Variants in MUC17 observed in about 807,000 individuals in gnomAD.
The protein encoded by MUC17 is mucin 17, cell surface associated.
Under a neutral mutation model 170.3 loss-of-function variants are expected in MUC17, and 190 were observed. The ratio of observed to expected loss-of-function variants is 1.12; its 90% CI spans 0.99 to 1.26. The LOEUF is 1.26. MUC17 is among the 50% of genes most tolerant of loss of function. The pLI is 0.00. For missense variants in MUC17, 6,415 were observed against 5,530.0 expected, an observed-to-expected ratio of 1.16 and a Z score of -5.08; for synonymous variants, 2,325 against 2,002.5, an observed-to-expected ratio of 1.16 and a Z score of -4.30.
At chr7:101,052,518 G>A (rs527315398) in intron 9 of MUC17, among the ~76,000 whole-genome samples, 25 of 152,320 alleles carry the variant, frequency 1.6e-4, no homozygotes, top group Admixed American at 1.4e-3. Flanking sequence ...AAGCTGGAAA[G>A]GGGAAGAAAG....
chr7:101,041,754 C>T lies in MUC17; in HGVS notation c.10338C>T (p.Thr3446=), dbSNP rs145453822. The change falls in exon 3 of 13, where the codon ACC becomes ACT. Residue 3446 remains threonine (T), a synonymous_variant. Transcript: ENST00000306151. The part of the protein sequence containing the change: ...ASSSPTIAEG[T]SLPTSTTSEG... ...CATCTCCTACAATCGCTGAAGGTAC[C>T]AGCTTGCCAACCTCAACTACTAGTG... 497 of 1,613,516 alleles carry T rather than the reference C, an allele frequency of 3.1e-4. 4 individuals are homozygous for T. In the African/African-American group the frequency reaches 4.9e-3, roughly 16 times the overall value.
Position 101,043,409 on chromosome 7 carries a change from C to T in MUC17, c.11993C>T (p.Thr3998Ile), listed in dbSNP as rs959881052. The T allele has an allele frequency of 1.9e-6, 3 of 1,614,072 alleles. No individual in the cohort carries two copies. Among genetic ancestry groups the T allele is most frequent in the Admixed American group, 1.7e-5 (1 of 60,004 alleles). ...GAATTTACAACACCCGCAATGACTA[C>T]TGCAGCTCCCCTCACATATGTGACC... The part of the protein sequence containing the change: ...TKEFTTPAMT[T>I]AAPLTYVTMS... Residue 3998 changes from threonine (T) to isoleucine (I), a missense_variant, in exon 3 of 13, where the codon ACT (threonine) becomes ATT (isoleucine). Transcript: ENST00000306151.
At chr7:101,051,735 G>C in intron 8 of MUC17, 54 bp downstream of exon 8, 1 of 1,606,458 alleles carries the variant, frequency 6.2e-7, no homozygotes, top group Non-Finnish European at 8.5e-7. Flanking sequence ...GGGAGCCCAG[G>C]AGGAGTGGGA....
chr7:101,057,875 G>C (rs1018940372), intron 12 of MUC17, 128 bp from the exon 13 acceptor site: 2 of 756,948 alleles, frequency 2.6e-6, no homozygotes, highest in South Asian at 2.2e-5. Flanking sequence ...GTAAGACCCT[G>C]TCTCAAAAAA....
At chr7:101,050,760 C>T in intron 7 of MUC17, 125 bp downstream of exon 7, 1 of 1,368,032 alleles carries the variant, frequency 7.3e-7, no homozygotes, top group Non-Finnish European at 9.7e-7. Context: ...CTGTGGGGTC[C>T]TAGAGTCCCT....
In MUC17 at chr7:101,041,729, C is replaced by G; in HGVS notation, c.10313C>G (p.Ser3438Ter). 6.2e-7 allele frequency: 1 copy of G among 1,613,700 alleles called. No homozygotes were observed. The highest frequency in any genetic ancestry group is 8.5e-7 in the Non-Finnish European group (1 of 1,179,942). The change falls in exon 3 of 13, where the codon TCA becomes TGA. Residue 3438 changes from serine to a stop codon, truncating the protein, a stop_gained. Transcript: ENST00000306151. LOFTEE classifies it high-confidence loss of function. ...TLVTTSTEAS[S>*]SPTIAEGTSL... ...GTGACCACTTCTACTGAAGCCAGTTCATCTCCTACAATCGCTGAAGGTACC... is the reference window on the plus strand; with the variant it reads ...GTGACCACTTCTACTGAAGCCAGTTGATCTCCTACAATCGCTGAAGGTACC...
Position 101,043,307 on chromosome 7 carries a change from C to T in MUC17, c.11891C>T (p.Pro3964Leu), listed in dbSNP as rs1562819641. 2 of 1,614,196 alleles carry T rather than the reference C, an allele frequency of 1.2e-6. No homozygotes were observed. The highest frequency in any genetic ancestry group is 8.5e-7 in the Non-Finnish European group (1 of 1,180,044). Residue 3964 changes from proline (P) to leucine (L), a missense_variant, in exon 3 of 13, where the codon CCT becomes CTT. Transcript: ENST00000306151. ...FPATTGAVST[P>L]VITSTELNTP... Reference sequence around the variant, plus strand: ...GCAACAACTGGTGCTGTATCTACCCCTGTGATAACTTCCACTGAACTAAAC... The same window carrying T: ...GCAACAACTGGTGCTGTATCTACCCTTGTGATAACTTCCACTGAACTAAAC...
In MUC17 at chr7:101,040,124, C is replaced by T. The variant is rs773623597; in HGVS notation, c.8708C>T (p.Ser2903Phe). ...PVDTSIPVTT[S>F]TEGSSSPTTA... ...GATACCAGCATACCTGTCACCACTT[C>T]TACTGAAGGCAGTTCTTCTCCTACA... The change falls in exon 3 of 13, where the codon TCT becomes TTT. Residue 2903 changes from serine to phenylalanine, a missense_variant. By Grantham distance (155) the Ser-to-Phe change is radical. Transcript: ENST00000306151. 3 of 1,612,828 alleles carry T rather than the reference C, an allele frequency of 1.9e-6. No individual in the cohort carries two copies. The highest frequency in any genetic ancestry group is 2.5e-6 in the Non-Finnish European group (3 of 1,179,474).
chr7:101,031,101 T>TC lies in MUC17; in HGVS notation c.83-15dup. On this transcript the variant is annotated intron_variant, in intron 1 of 12. Transcript: ENST00000306151. The stretch of plus-strand genomic sequence containing the variant: ...AAGATCATGGCTCTGGGATACTAAC[T>TC]CCCCTTTGTCTCTTTCAGACCTCAG... The TC allele has an allele frequency of 1.3e-6, 2 of 1,598,380 alleles. No homozygotes were observed. The highest frequency in any genetic ancestry group is 2.7e-5 in the African/African-American group (2 of 74,486).
rs1256616795 is a variant in MUC17, at chr7:101,037,010, G to T, written c.5594G>T (p.Gly1865Val). 1.3e-6 allele frequency: 2 copies of T among 1,583,996 alleles called. No homozygotes were observed. Among genetic ancestry groups the T allele is most frequent in the Non-Finnish European group, 1.7e-6 (2 of 1,179,068 alleles). Residue 1865 changes from glycine (G) to valine (V), a missense_variant, in exon 3 of 13, where the codon GGA (glycine) becomes GTA (valine). By Grantham distance (109) the Gly-to-Val change is moderately radical. Coordinates refer to ENST00000306151, the MANE Select transcript of MUC17 (RefSeq NM_001040105.2). Reference sequence around the variant, plus strand: ...ATAGCAACCTCAACGCCTAGTGAAGGAAGCACTGCATTAACAAGTATACCT... The same window carrying T: ...ATAGCAACCTCAACGCCTAGTGAAGTAAGCACTGCATTAACAAGTATACCT... Reference protein sequence around the residue: ...TSIATSTPSEGSTALTSIPVS... With the variant: ...TSIATSTPSEVSTALTSIPVS...
In MUC17 at chr7:101,042,589, G is replaced by C; in HGVS notation, c.11173G>C (p.Val3725Leu). Residue 3725 changes from valine (V) to leucine (L), a missense_variant, in exon 3 of 13, where the codon GTG (valine) becomes CTG (leucine). Coordinates refer to ENST00000306151, the MANE Select transcript of MUC17 (RefSeq NM_001040105.2). ...ACCTTCTGTTGTCACCAGCACACCT[G>C]TGACCACTTCTACTGAAGCCATTTC... ...STPSVVTSTP[V>L]TTSTEAISSS... The C allele has an allele frequency of 6.2e-7, 1 of 1,614,052 alleles. No homozygotes were observed. Among genetic ancestry groups the C allele is most frequent in the African/African-American group, 1.3e-5 (1 of 75,018 alleles).
Position 101,053,033 on chromosome 7 carries a change from A to G in MUC17, c.13151A>G (p.Gln4384Arg), listed in dbSNP as rs371472570. The change falls in exon 10 of 13, where the codon CAG (glutamine) becomes CGG (arginine). Residue 4384 changes from glutamine (Q) to arginine (R), a missense_variant. Physicochemically the swap from Gln to Arg is conservative, Grantham distance 43. Coordinates refer to ENST00000306151, the MANE Select transcript of MUC17 (RefSeq NM_001040105.2). ...TGGTACAGTGGGGAGACCTGTAACC[A>G]GGGCACCCAGAAGAGTCTGGTGTAC... ...THWYSGETCN[Q>R]GTQKSLVYGL... 71 of 1,614,026 alleles carry G rather than the reference A, an allele frequency of 4.4e-5. No individual in the cohort carries two copies. Among genetic ancestry groups the G allele is most frequent in the Admixed American group, 1.0e-4 (6 of 59,998 alleles).
At position 101,023,643 on chromosome 7, in the gene MUC17, T is replaced by G. The variant is rs184259651; in HGVS notation, c.82+3426T>G. 6.6e-4 allele frequency among the ~76,000 whole-genome samples: 100 copies of G among 152,318 alleles called. No individual in the cohort carries two copies. The South Asian group carries it at 8.5e-3, about 13-fold the overall frequency. ...CTGGTCTCGAACTCCTGACCTCAAC[T>G]GATTTGTCCACCTCAGCCTCCCAAA... On this transcript the variant is annotated intron_variant, in intron 1 of 12. Transcript: ENST00000306151.
In MUC17 at chr7:101,035,835, C is replaced by T. The variant is rs1033050600; in HGVS notation, c.4419C>T (p.Ser1473=). 2 of 1,599,864 alleles carry T rather than the reference C, an allele frequency of 1.3e-6. No homozygotes were observed. The highest frequency in any genetic ancestry group is 2.7e-5 in the African/African-American group (2 of 74,620). Residue 1473 remains serine (S), a synonymous_variant, in exon 3 of 13, where the codon AGC becomes AGT. Transcript: ENST00000306151. ...SNTPVANSEA[S]TLSTTPVDSN... ...CGCCGGTGGCCAATTCTGAGGCTAG[C>T]ACCCTTTCAACAACTCCTGTTGACT...
Position 101,039,515 on chromosome 7 carries a change from G to A in MUC17, c.8099G>A (p.Ser2700Asn), listed in dbSNP as rs1348363917. The change falls in exon 3 of 13, where the codon AGC becomes AAC. Residue 2700 changes from serine (S) to asparagine (N), a missense_variant. Coordinates refer to ENST00000306151, the MANE Select transcript of MUC17 (RefSeq NM_001040105.2). ...RSTPLTNILVSTTLLANSEAS... is the reference protein window; with the variant it reads ...RSTPLTNILVNTTLLANSEAS... ...ACTCCATTAACAAATATACTTGTCA[G>A]CACCACGCTGTTGGCCAATTCTGAG... 1 of 1,610,324 alleles carries A rather than the reference G, an allele frequency of 6.2e-7. No homozygotes were observed. The highest frequency in any genetic ancestry group is 1.1e-5 in the South Asian group (1 of 90,708).
At position 101,035,992 on chromosome 7, in the gene MUC17, G is replaced by A. The variant is rs1562809068; in HGVS notation, c.4576G>A (p.Val1526Met). The change falls in exon 3 of 13, where the codon GTG (valine) becomes ATG (methionine). Residue 1526 changes from valine (V) to methionine (M), a missense_variant. By Grantham distance (21) the Val-to-Met change is conservative (BLOSUM62 1). Coordinates refer to ENST00000306151, the MANE Select transcript of MUC17 (RefSeq NM_001040105.2). ...AAGTATACCTGTCAGCACCACAACA[G>A]TGGCCAGTTCTGAAATCAACAGCCT... ...LTSIPVSTTT[V>M]ASSEINSLST... is the part of the protein sequence containing the mutation. 1 of 1,612,042 alleles carries A rather than the reference G, an allele frequency of 6.2e-7. No homozygotes were observed.
At chr7:101,049,855 G>T (rs1218434303) in intron 6 of MUC17, among the ~76,000 whole-genome samples, 1 of 152,182 alleles carries the variant, frequency 6.6e-6, no homozygotes. Flanking sequence ...GAGGCACCAG[G>T]TGCAGTAGCT....
Position 101,057,988 on chromosome 7 carries a change from T to C in MUC17, c.13441-15T>C. ...CATGGGCTGAGCCCTCACTTGGTTT[T>C]ATCTCTCTTTTCAGATCCGAATTCA... is the stretch of plus-strand genomic sequence containing the variant. On this transcript the variant is annotated splice_polypyrimidine_tract_variant and intron_variant, in intron 12 of 12. Transcript: ENST00000306151. The C allele has an allele frequency of 6.2e-7, 1 of 1,613,582 alleles. No homozygotes were observed. The highest frequency in any genetic ancestry group is 8.5e-7 in the Non-Finnish European group (1 of 1,179,548).
chr7:101,040,408 C>G lies in MUC17; in HGVS notation c.8992C>G (p.Pro2998Ala), dbSNP rs540856466. Residue 2998 changes from proline (P) to alanine (A), a missense_variant, in exon 3 of 13, where the codon CCG becomes GCG. Coordinates refer to ENST00000306151, the MANE Select transcript of MUC17 (RefSeq NM_001040105.2). ...AACAAGTATGTCTGTCAGCACCATG[C>G]CGGTGGCCAGTTCTGAGGCTAGCAC... ...PLTSMSVSTM[P>A]VASSEASTLS... 7.4e-6 allele frequency: 12 copies of G among 1,611,688 alleles called. No individual in the cohort carries two copies. The highest frequency in any genetic ancestry group is 1.7e-5 in the Admixed American group (1 of 59,486).
Sources: gnomAD v4.1 joint callset for allele counts (sites outside exome capture counted in the v4.1 genomes callset) on GRCh38, gnomAD v4.1.1 for gene constraint, MANE v1.5 for transcripts, NCBI Gene and HGNC (gene_info 2026-07-23, HGNC 2026-07-21) for gene names.